The following ZNF362 variants were observed in gnomAD, a reference collection of about 807,000 sequenced individuals.
ZNF362 encodes rotund homolog.
In ZNF362, 11 loss-of-function variants were observed where a neutral mutation model predicts 42.9. That is an observed-to-expected ratio of 0.26 (90% CI 0.16 to 0.42). The LOEUF is 0.42. Among genes scored for constraint, ZNF362 ranks in the 20% least tolerant of loss-of-function variants. ZNF362 has a pLI of 1.00. For missense variants in ZNF362, 362 were observed against 576.2 expected (o/e 0.63, Z 3.81); for synonymous variants, 255 against 257.3 (o/e 0.99, Z 0.09).
intron 1 of ZNF362, among the ~76,000 whole-genome samples, chr1:33,258,888 G>T (rs914446834): frequency 2.0e-5 from 3 of 152,200 alleles, no homozygotes; most frequent in Non-Finnish European, 2.9e-5. Context: ...GACTCAGAGA[G>T]GTTGAACAGT....
At chr1:33,276,234 T>C (rs1395340395) in intron 3 of ZNF362, 71 bp downstream of exon 3, 14 of 1,601,516 alleles carry the variant, frequency 8.7e-6, no homozygotes, top group Non-Finnish European at 1.2e-5. Context: ...GGGTTTTGGC[T>C]GTGGCCTGCG....
intron 2 of ZNF362, among the ~76,000 whole-genome samples, chr1:33,275,681 G>A (rs1419399681): frequency 6.6e-6 from 1 of 152,170 alleles, no homozygotes; most frequent in Non-Finnish European, 1.5e-5. Flanking sequence ...TCAGGGATGG[G>A]CATTTACAAA....
At chr1:33,179,426 G>A in the ZNF362 span, among the ~76,000 whole-genome samples, 2 of 152,226 alleles carry the variant, frequency 1.3e-5, no homozygotes, top group African/African-American at 2.4e-5. Context: ...CTAGTGTGTG[G>A]AGGGGTTGGG....
rs1645862730 is a variant in ZNF362 at position 33,266,014 on chromosome 1, C to T, written c.-88-4473C>T. 6.6e-6 allele frequency among the ~76,000 whole-genome samples: 1 copy of T among 152,216 alleles called. No homozygotes were observed. Among genetic ancestry groups the T allele is most frequent in the Non-Finnish European group, 1.5e-5 (1 of 68,032 alleles). On this transcript the variant is annotated intron_variant, in intron 1 of 8. Transcript: ENST00000539719. This position sits in a 1 kb window ranked among gnomAD's most constrained non-coding sequence, Gnocchi z 4.3. Reference sequence around the variant, plus strand: ...CTTTGGCATCTCCCTCTTGCAATTTCCCCTTCCCCCATCAGTAAGTCCCAC... The same window carrying T: ...CTTTGGCATCTCCCTCTTGCAATTTTCCCTTCCCCCATCAGTAAGTCCCAC...
the ZNF362 span, among the ~76,000 whole-genome samples, chr1:33,217,121 G>C: frequency 5.3e-5 from 8 of 152,220 alleles, no homozygotes; most frequent in African/African-American, 1.9e-4. Context: ...AGGGAGCAAT[G>C]ACTTCCTGGC....
chr1:33,161,204 C>T, the ZNF362 span, among the ~76,000 whole-genome samples: 19 of 152,212 alleles, frequency 1.2e-4, no homozygotes, highest in Non-Finnish European at 2.1e-4. The surrounding 1 kb of genome is among the most constrained non-coding windows in gnomAD (Gnocchi z 4.3). Context: ...TTCTAATAAG[C>T]GTTTCCCGGA....
chr1:33,285,455 C>T (rs1646025431), intron 6 of ZNF362, among the ~76,000 whole-genome samples: 2 of 152,158 alleles, frequency 1.3e-5, no homozygotes, highest in East Asian at 1.9e-4. Context: ...GCGCACTGGC[C>T]CATCTTCAGG....
At chr1:33,209,710 T>C in the ZNF362 span, among the ~76,000 whole-genome samples, 19 of 152,218 alleles carry the variant, frequency 1.2e-4, no homozygotes, top group Non-Finnish European at 2.4e-4. Flanking sequence ...TTTATTTGCA[T>C]AGAGGTGTTT....
chr1:33,296,563 G>T (rs1399266896), intron 8 of ZNF362, among the ~76,000 whole-genome samples: 1 of 152,194 alleles, frequency 6.6e-6, no homozygotes, highest in African/African-American at 2.4e-5. Flanking sequence ...GCTGGGAAGG[G>T]GGATGAGTCC....
the ZNF362 span, chr1:33,142,169 C>G: frequency 6.6e-6 from 1 of 152,290 alleles, no homozygotes; most frequent in Admixed American, 6.5e-5. Flanking sequence ...GATACCGGGC[C>G]TTTGCAACTG....
At chr1:33,158,552 C>T in the ZNF362 span, among the ~76,000 whole-genome samples, 1 of 152,232 alleles carries the variant, frequency 6.6e-6, no homozygotes, top group African/African-American at 2.4e-5. Flanking sequence ...CCTCAGTCTT[C>T]TCATCTTTAA....
At chr1:33,162,080 G>T in the ZNF362 span, among the ~76,000 whole-genome samples, 1 of 152,110 alleles carries the variant, frequency 6.6e-6, no homozygotes, top group East Asian at 1.9e-4. Flanking sequence ...AACTCACTTG[G>T]TCTACAAGTC....
At chr1:33,270,150 G>A (rs1427879887) in intron 1 of ZNF362, among the ~76,000 whole-genome samples, 7 of 152,192 alleles carry the variant, frequency 4.6e-5, no homozygotes, top group African/African-American at 1.2e-4. Flanking sequence ...GCCACCTTGG[G>A]CTAGAGGCTG....
At position 33,280,494 on chromosome 1, in the gene ZNF362, G is replaced by C. The variant is rs1306567323; in HGVS notation, c.683+37G>C. ...GGCGGGATGGGGTCCGAGTGGGCTT[G>C]GGGCTGGGGCTTGAGCCAGGGCTGC... is the stretch of plus-strand genomic sequence containing the variant. On this transcript the variant is annotated intron_variant, in intron 5 of 8. Transcript: ENST00000539719. The surrounding 1 kb of genome is among the most constrained non-coding windows in gnomAD (Gnocchi z 5.6). 2.0e-6 allele frequency: 3 copies of C among 1,509,036 alleles called. No individual in the cohort carries two copies. Among genetic ancestry groups the C allele is most frequent in the Non-Finnish European group, 2.7e-6 (3 of 1,122,934 alleles). The allele number at this position is 1,509,036 out of a possible 1,614,324, so 93.5% of individuals were successfully genotyped here.
the ZNF362 span, among the ~76,000 whole-genome samples, chr1:33,138,777 C>A: frequency 2.0e-5 from 3 of 151,302 alleles, no homozygotes; most frequent in Non-Finnish European, 2.9e-5. Flanking sequence ...GAGCATGTTA[C>A]AAGAAAATAA....
At chr1:33,274,901 A>C in intron 2 of ZNF362, 10 of 959,174 alleles carry the variant, frequency 1.0e-5, no homozygotes, top group South Asian at 4.8e-5. Flanking sequence ...AAAGATCACA[A>C]GAGATAATTC....
At chr1:33,214,133 T>C in the ZNF362 span, among the ~76,000 whole-genome samples, 2 of 152,100 alleles carry the variant, frequency 1.3e-5, no homozygotes, top group Non-Finnish European at 2.9e-5. Context: ...AGATAGAAGC[T>C]GAAGCCATGG....
chr1:33,270,250 A>G (rs1276328865), intron 1 of ZNF362, among the ~76,000 whole-genome samples: 2 of 152,186 alleles, frequency 1.3e-5, no homozygotes, highest in Non-Finnish European at 2.9e-5. Context: ...ACTGGAGTGC[A>G]GTTGGCCCTG....
chr1:33,299,163 C>T lies in ZNF362; in HGVS notation c.*117C>T. On this transcript the variant is annotated 3_prime_UTR_variant, in exon 9 of 9. Transcript: ENST00000539719. ...CCACCAAGCTCTCTCACGACCTTCC[C>T]AATCTTCCAGAAAGCTTGGTCCGCA... 1 of 771,292 alleles carries T rather than the reference C, an allele frequency of 1.3e-6. No homozygotes were observed. The highest frequency in any genetic ancestry group is 2.1e-6 in the Non-Finnish European group (1 of 468,922). The allele number at this position is 771,292 out of a possible 1,614,324, so 47.8% of individuals were successfully genotyped here.
Sources: allele counts gnomAD v4.1 joint callset (sites outside exome capture counted in the v4.1 genomes callset), GRCh38; gene constraint gnomAD v4.1.1; non-coding constraint Gnocchi (gnomAD v3.1); transcripts MANE v1.5; gene names NCBI Gene and HGNC (gene_info 2026-07-23, HGNC 2026-07-21).